NFATC1: variants seen among roughly 807,000 people sequenced by gnomAD.
NFATC1 encodes the protein nuclear factor of activated T-cells, cytoplasmic 1.
Under a neutral mutation model 76.0 loss-of-function variants are expected in NFATC1, and 22 were observed. The ratio of observed to expected loss-of-function variants is 0.29; its 90% confidence interval spans 0.21 to 0.41. The LOEUF (loss-of-function observed/expected upper bound fraction) is 0.41, where lower values mean the gene tolerates loss of function less well. Ranked by LOEUF, NFATC1 falls within the 10% of genes least tolerant of loss-of-function variation. NFATC1 has a pLI of 1.00. For missense variants in NFATC1, 1,357 were observed against 1,337.7 expected (o/e 1.01, Z -0.23); for synonymous variants, 704 against 613.1 (o/e 1.15, Z -2.19).
At chr18:79,483,085 T>G (rs1375198818) in intron 8 of NFATC1, among the ~76,000 whole-genome samples, 1 of 122,572 alleles carries the variant, frequency 8.2e-6, no homozygotes, top group Non-Finnish European at 1.7e-5. Context: ...GACCTGGTAC[T>G]GGGGTGTAAT....
intron 9 of NFATC1, among the ~76,000 whole-genome samples, chr18:79,502,602 A>G (rs1383327698): frequency 6.6e-6 from 1 of 152,266 alleles, no homozygotes; most frequent in Non-Finnish European, 1.5e-5. Context: ...TATCCAGAAT[A>G]TACAAAGAAC....
intron 2 of NFATC1, among the ~76,000 whole-genome samples, chr18:79,415,449 T>A (rs2085845423): frequency 6.6e-6 from 1 of 151,730 alleles, no homozygotes. Flanking sequence ...CGCCCGGCTA[T>A]TTTTTTGTAT....
intron 3 of NFATC1, among the ~76,000 whole-genome samples, chr18:79,439,146 C>T (rs1440667212): frequency 2.6e-5 from 4 of 152,206 alleles, no homozygotes; most frequent in African/African-American, 7.2e-5. Flanking sequence ...CACTGTTCCA[C>T]GCAGGGCCTC....
intron 9 of NFATC1, among the ~76,000 whole-genome samples, chr18:79,522,157 G>C (rs1415692591): frequency 2.2e-5 from 1 of 46,300 alleles, no homozygotes; most frequent in South Asian, 8.7e-4. Flanking sequence ...GTGTCTGTGT[G>C]TGTGTGGGGG....
Position 79,529,241 on chromosome 18 carries a change from T to C in NFATC1, c.*1664T>C, listed in dbSNP as rs1327498468. The C allele has an allele frequency of 1.3e-5, 2 of 152,270 alleles. No individual in the cohort carries two copies. The highest frequency in any genetic ancestry group is 2.4e-5 in the African/African-American group (1 of 41,452). The allele number at this position is 152,270 out of a possible 1,614,324, so 9.4% of individuals were successfully genotyped here. A position where few individuals can be genotyped will look rare whatever the true frequency, so the allele number is the denominator to read the frequency against. On this transcript the variant is annotated 3_prime_UTR_variant, in exon 10 of 10. Coordinates refer to ENST00000427363, the MANE Select transcript of NFATC1 (RefSeq NM_001278669.2). ...TGCAGCCTTTCTCAGGGGACTGTCA[T>C]TGAAAAGGAAACGTTTGATGTCTGT...
chr18:79,400,380 G>GTCCGA, intron 1 of NFATC1: 1 of 1,477,038 alleles, frequency 6.8e-7, no homozygotes, highest in African/African-American at 1.5e-5. Flanking sequence ...CCCGGCCCCG[G>GTCCGA]CCCGACCCGC....
intron 9 of NFATC1, among the ~76,000 whole-genome samples, chr18:79,515,621 C>T (rs762016365): frequency 4.0e-5 from 6 of 151,868 alleles, no homozygotes; most frequent in Non-Finnish European, 8.8e-5. Context: ...TCTCTGCCAC[C>T]CTACAAAGAA....
rs1209848589 is a variant in NFATC1, at chr18:79,527,831, G to A, written c.*254G>A. The A allele has an allele frequency of 2.9e-5, 16 of 559,462 alleles. No individual in the cohort carries two copies. Among genetic ancestry groups the A allele is most frequent in the Admixed American group, 9.2e-5 (3 of 32,782 alleles). 34.7% of individuals were successfully genotyped at this position (559,462 alleles called of 1,614,324 possible). ...GAAGGGAGGTGGCCGGGCTGAGCAC[G>A]GGAGACCCACCGTGCAGGGGCCTTT... On this transcript the variant is annotated 3_prime_UTR_variant, in exon 10 of 10. Transcript: ENST00000427363.
At chr18:79,409,757 GCA>G (rs2085594315) in intron 1 of NFATC1, among the ~76,000 whole-genome samples, 2 of 152,310 alleles carry the variant, frequency 1.3e-5, no homozygotes, top group Admixed American at 6.5e-5. Context: ...TATGTGCCAG[GCA>G]CAGTCTTTGG....
intron 1 of NFATC1, among the ~76,000 whole-genome samples, chr18:79,399,137 C>T (rs2148120985): frequency 6.6e-6 from 1 of 152,384 alleles, no homozygotes; most frequent in African/African-American, 2.4e-5. Context: ...ACAGAACTTC[C>T]ACTTGCCCAA....
rs112849263 is a variant in NFATC1 at position 79,526,260 on chromosome 18, C to T, written c.2783-1268C>T. Among the ~76,000 whole-genome samples the T allele has an allele frequency of 6.8e-3, 1,031 of 152,330 alleles. 13 individuals are homozygous for T. The highest frequency in any genetic ancestry group is 0.023 in the African/African-American group (972 of 41,570). On this transcript the variant is annotated intron_variant, in intron 9 of 9. Transcript: ENST00000427363. Reference sequence around the variant, plus strand: ...TCCTTAGTGTTTGTGAAGAGTCACACGGAGGGGCGGGAGCCCGGGCTCCTT... The same window carrying T: ...TCCTTAGTGTTTGTGAAGAGTCACATGGAGGGGCGGGAGCCCGGGCTCCTT...
At chr18:79,457,274 C>T (rs1025999270) in intron 6 of NFATC1, among the ~76,000 whole-genome samples, 4 of 152,206 alleles carry the variant, frequency 2.6e-5, no homozygotes, top group African/African-American at 9.7e-5. Flanking sequence ...TCCTCATGCC[C>T]TGAGGATGGC....
At chr18:79,403,876 C>T (rs758936249) in intron 1 of NFATC1, among the ~76,000 whole-genome samples, 18 of 152,222 alleles carry the variant, frequency 1.2e-4, no homozygotes, top group Non-Finnish European at 1.8e-4. Context: ...GTGGCAGAGA[C>T]GCCTGGTGAG....
chr18:79,480,308 A>C (rs1305090545), intron 8 of NFATC1, among the ~76,000 whole-genome samples: 1 of 152,108 alleles, frequency 6.6e-6, no homozygotes, highest in Non-Finnish European at 1.5e-5. Context: ...CTTCAGAAAG[A>C]GAGGGAGCGC....
In NFATC1 at chr18:79,484,673, C is replaced by A. The variant is rs59619520; in HGVS notation, c.2093-1575C>A. 5.3e-5 allele frequency among the ~76,000 whole-genome samples: 8 copies of A among 152,316 alleles called. No homozygotes were observed. The South Asian group carries it at 1.7e-3, about 32-fold the overall frequency. On this transcript the variant is annotated intron_variant, in intron 8 of 9. Transcript: ENST00000427363. ...AGCAACAAAATGCAGCAACTCCACTCGGAATCCCTGGGTGGAAAGCTCTGG... is the reference window on the plus strand; with the variant it reads ...AGCAACAAAATGCAGCAACTCCACTAGGAATCCCTGGGTGGAAAGCTCTGG...
chr18:79,474,449 G>A (rs575415489), intron 8 of NFATC1, among the ~76,000 whole-genome samples: 40 of 146,920 alleles, frequency 2.7e-4, no homozygotes, highest in African/African-American at 9.5e-4. Flanking sequence ...GTGTTCTCGC[G>A]CTCACTGTCG....
At chr18:79,462,798 T>C (rs1290507426) in intron 7 of NFATC1, among the ~76,000 whole-genome samples, 1 of 151,668 alleles carries the variant, frequency 6.6e-6, no homozygotes, top group African/African-American at 2.4e-5. Context: ...GGAAGTCTTG[T>C]GCACCCACTC....
intron 1 of NFATC1, among the ~76,000 whole-genome samples, chr18:79,404,862 A>C (rs2085381130): frequency 6.6e-6 from 1 of 152,214 alleles, no homozygotes; most frequent in African/African-American, 2.4e-5. Flanking sequence ...CAAGGTTAGA[A>C]TGCTGTGCAC....
intron 3 of NFATC1, 76 bp from the exon 4 acceptor site, chr18:79,448,706 G>C: frequency 6.7e-7 from 1 of 1,493,380 alleles, no homozygotes; most frequent in Non-Finnish European, 9.1e-7. Flanking sequence ...CCCGCCGCAG[G>C]TTTTCTCTGC....
Sources: allele counts gnomAD v4.1 joint callset (sites outside exome capture counted in the v4.1 genomes callset), GRCh38; gene constraint gnomAD v4.1.1; transcripts MANE v1.5; gene names NCBI Gene and HGNC (gene_info 2026-07-23, HGNC 2026-07-21).